The following RPS6KA2 variants were observed in gnomAD, a reference collection of about 807,000 sequenced individuals.
RPS6KA2 encodes ribosomal protein S6 kinase alpha-2.
In RPS6KA2, 42 loss-of-function variants were observed where a neutral mutation model predicts 91.8. The ratio of observed to expected loss-of-function variants is 0.46; its 90% CI spans 0.36 to 0.59. The LOEUF is 0.59. Among genes scored for constraint, RPS6KA2 ranks in the 20% least tolerant of loss-of-function variants. RPS6KA2 has a pLI of 0.00. For missense variants in RPS6KA2, 798 were observed against 978.5 expected (o/e 0.82, Z 2.46); for synonymous variants, 414 against 393.6 (o/e 1.05, Z -0.61).
At chr6:166,844,117 TA>T (rs1374252785) in intron 2 of RPS6KA2, among the ~76,000 whole-genome samples, 1 of 151,628 alleles carries the variant, frequency 6.6e-6, no homozygotes, top group Non-Finnish European at 1.5e-5. Flanking sequence ...CTTAGAGAAA[TA>T]CAAAATGTGC....
At chr6:166,776,676 G>A (rs986935238) in intron 2 of RPS6KA2, among the ~76,000 whole-genome samples, 4 of 152,202 alleles carry the variant, frequency 2.6e-5, no homozygotes, top group African/African-American at 7.2e-5. Context: ...GGTCTTCTGG[G>A]TCTGGCTTCT....
chr6:166,579,533 G>A (rs189286183), intron 1 of RPS6KA2, among the ~76,000 whole-genome samples: 6 of 152,270 alleles, frequency 3.9e-5, no homozygotes, highest in South Asian at 2.1e-4. Context: ...ACAAAATTTG[G>A]AGAAAAATGT....
At chr6:166,833,255 T>A (rs1484453171) in intron 2 of RPS6KA2, among the ~76,000 whole-genome samples, 1 of 152,202 alleles carries the variant, frequency 6.6e-6, no homozygotes, top group Non-Finnish European at 1.5e-5. Flanking sequence ...AAGGAAGGCA[T>A]CAGGAACAAC....
At chr6:166,587,633 G>A (rs1323451287) in intron 1 of RPS6KA2, among the ~76,000 whole-genome samples, 13 of 145,924 alleles carry the variant, frequency 8.9e-5, no homozygotes, top group South Asian at 8.6e-4. Flanking sequence ...TCTGCCATTG[G>A]AAAAAAAAAA....
At chr6:166,556,768 G>A (rs1191548330) in intron 1 of RPS6KA2, among the ~76,000 whole-genome samples, 1 of 152,168 alleles carries the variant, frequency 6.6e-6, no homozygotes, top group Admixed American at 6.5e-5. Context: ...ATCGGGCGTC[G>A]TTATTCTAGG....
intron 2 of RPS6KA2, among the ~76,000 whole-genome samples, chr6:166,769,548 A>G (rs1583098537): frequency 6.6e-6 from 1 of 152,284 alleles, no homozygotes; most frequent in African/African-American, 2.4e-5. Context: ...CTGTGTGCCC[A>G]CCCCTCACCT....
intron 2 of RPS6KA2, among the ~76,000 whole-genome samples, chr6:166,772,376 A>G (rs1439766076): frequency 6.6e-6 from 1 of 152,008 alleles, no homozygotes; most frequent in Non-Finnish European, 1.5e-5. Context: ...TCTGCCTTGG[A>G]AATGTGCCTG....
At chr6:166,647,891 TACACACATGCTCACACAC>T (rs1787681514) in intron 2 of RPS6KA2, among the ~76,000 whole-genome samples, 1 of 87,998 alleles carries the variant, frequency 1.1e-5, no homozygotes, top group Non-Finnish European at 2.3e-5. Context: ...CACACATACA[TACACACATGCTCACACAC>T]ATGCACATGC....
chr6:166,432,414 A>G lies in RPS6KA2; in HGVS notation c.1409T>C (p.Ile470Thr). Residue 470 changes from isoleucine (I) to threonine (T), a missense_variant, in exon 15 of 21, where the codon ATC becomes ACC. Ile to Thr is a moderately conservative substitution (Grantham distance 89). Coordinates refer to ENST00000265678, the MANE Select transcript of RPS6KA2 (RefSeq NM_021135.6). ...GGGACCACTCACATCCTTGAGGGTG[A>G]TGATGTTCGGGTGCTGGCCGTACCG... ...LLRYGQHPNI[I>T]TLKDVYDDGK... 6.2e-7 allele frequency: 1 copy of G among 1,611,922 alleles called. No homozygotes were observed. Among genetic ancestry groups the G allele is most frequent in the Non-Finnish European group, 8.5e-7 (1 of 1,178,144 alleles).
intron 2 of RPS6KA2, among the ~76,000 whole-genome samples, chr6:166,793,658 A>G (rs1423039983): frequency 1.3e-5 from 2 of 152,208 alleles, no homozygotes; most frequent in African/African-American, 4.8e-5. Flanking sequence ...AAACAGAGAT[A>G]CAGAACAATG....
At chr6:166,818,146 TA>T (rs1336434809) in intron 2 of RPS6KA2, among the ~76,000 whole-genome samples, 2 of 151,064 alleles carry the variant, frequency 1.3e-5, no homozygotes, top group Non-Finnish European at 2.9e-5. Flanking sequence ...TCAAAAATAT[TA>T]AAATTAATAT....
intron 1 of RPS6KA2, among the ~76,000 whole-genome samples, chr6:166,604,379 T>C (rs3778377): frequency 0.69 from 104,164 of 151,838 alleles, 36,832 homozygotes; most frequent in East Asian, 0.97. Context: ...TTGGAATGAG[T>C]ATGTGGAAAA....
intron 2 of RPS6KA2, among the ~76,000 whole-genome samples, chr6:166,706,178 G>A (rs1413504131): frequency 6.6e-6 from 1 of 152,148 alleles, no homozygotes; most frequent in Non-Finnish European, 1.5e-5. Context: ...TAACACACCT[G>A]CAATAACCAA....
Position 166,419,261 on chromosome 6 carries a change from T to G in RPS6KA2, c.1820+621A>C, listed in dbSNP as rs1229451820. 6.6e-6 allele frequency among the ~76,000 whole-genome samples: 1 copy of G among 152,238 alleles called. No homozygotes were observed. Among genetic ancestry groups the G allele is most frequent in the Admixed American group, 6.5e-5 (1 of 15,284 alleles). On this transcript the variant is annotated intron_variant, in intron 18 of 20. Transcript: ENST00000265678. This position sits in a 1 kb window ranked among gnomAD's most constrained non-coding sequence, Gnocchi z 5.6. The stretch of plus-strand genomic sequence containing the variant: ...ACGTAATAGGAACCAGCGGATCTTG[T>G]AAGATCCTAGACCTTCCTGCCTAGA...
At chr6:166,788,147 C>T (rs1778981430) in intron 2 of RPS6KA2, among the ~76,000 whole-genome samples, 1 of 152,150 alleles carries the variant, frequency 6.6e-6, no homozygotes, top group Non-Finnish European at 1.5e-5. Flanking sequence ...TACCATCTCA[C>T]ACTAGTCAGA....
chr6:166,687,546 G>A (rs77171765), intron 2 of RPS6KA2, among the ~76,000 whole-genome samples: 5,052 of 152,302 alleles, frequency 0.033, 129 homozygotes, highest in Non-Finnish European at 0.048. Flanking sequence ...AGGGAAAATT[G>A]TTGACTGAAG....
chr6:166,434,420 A>G lies in RPS6KA2; in HGVS notation c.1333-1930T>C, dbSNP rs1779229249. 6.6e-6 allele frequency among the ~76,000 whole-genome samples: 1 copy of G among 152,064 alleles called. No homozygotes were observed. The highest frequency in any genetic ancestry group is 1.5e-5 in the Non-Finnish European group (1 of 68,026). Reference sequence around the variant, plus strand: ...ATAAATGCATCATTCTCAAGTAGAGACTTTTAAAACGATCATTCAAGGAGG... The same window carrying G: ...ATAAATGCATCATTCTCAAGTAGAGGCTTTTAAAACGATCATTCAAGGAGG... On this transcript the variant is annotated intron_variant, in intron 14 of 20. Coordinates refer to ENST00000265678, the MANE Select transcript of RPS6KA2 (RefSeq NM_021135.6). The surrounding 1 kb of genome is among the most constrained non-coding windows in gnomAD (Gnocchi z 4.4).
At chr6:166,492,890 A>ATTTT (rs71032807) in intron 8 of RPS6KA2, among the ~76,000 whole-genome samples, 1 of 103,572 alleles carries the variant, frequency 9.7e-6, no homozygotes. Context: ...TAATTTTTGT[A>ATTTT]TTTTTTTTTT....
chr6:166,592,328 C>T (rs539539239), intron 1 of RPS6KA2, among the ~76,000 whole-genome samples: 3 of 152,274 alleles, frequency 2.0e-5, no homozygotes, highest in African/African-American at 4.8e-5. Flanking sequence ...AAGAGGGCCC[C>T]GGTGTGGTGC....
Sources: gnomAD v4.1 joint callset for allele counts (sites outside exome capture counted in the v4.1 genomes callset) on GRCh38, gnomAD v4.1.1 for gene constraint, Gnocchi (gnomAD v3.1) non-coding constraint, MANE v1.5 for transcripts, NCBI Gene and HGNC (gene_info 2026-07-23, HGNC 2026-07-21) for gene names.